Variants in FRMPD1 observed in about 807,000 individuals in gnomAD.
FRMPD1 encodes the protein FERM and PDZ domain-containing protein 1.
In FRMPD1, 76 loss-of-function variants were observed where a neutral mutation model predicts 117.8. The ratio of observed to expected loss-of-function variants is 0.65; its 90% confidence interval spans 0.54 to 0.78. FRMPD1 has a LOEUF of 0.78. Ranked by LOEUF, FRMPD1 falls within the 30% of genes least tolerant of loss-of-function variation. The pLI is 0.00. For synonymous variants in FRMPD1, 783 were observed against 770.4 expected, an observed-to-expected ratio of 1.02 and a Z score of -0.27; for missense variants, 1,786 against 1,964.5, an observed-to-expected ratio of 0.91 and a Z score of 1.72.
At position 37,746,377 on chromosome 9, in the gene FRMPD1, G is replaced by A; in HGVS notation, c.4345G>A (p.Glu1449Lys). The A allele has an allele frequency of 6.2e-7, 1 of 1,612,844 alleles. No homozygotes were observed. The highest frequency in any genetic ancestry group is 8.5e-7 in the Non-Finnish European group (1 of 1,179,812). ...GGGGGTTGGAAACAAACATCCCCCA[G>A]AGAAGTGCACCTGGCACTTTACCGA... ...SWGVGNKHPP[E>K]KCTWHFTESR... The change falls in exon 16 of 16, where the codon GAG becomes AAG. Residue 1449 changes from glutamate (E) to lysine (K), a missense_variant. Coordinates refer to ENST00000377765, the MANE Select transcript of FRMPD1 (RefSeq NM_014907.3).
chr9:37,608,913 T>C, the FRMPD1 span, among the ~76,000 whole-genome samples: 19 of 152,202 alleles, frequency 1.2e-4, 1 homozygote, highest in Non-Finnish European at 2.9e-5. Context: ...GTTTTACAGA[T>C]GAATATTATT....
At chr9:37,640,789 A>C in the FRMPD1 span, among the ~76,000 whole-genome samples, 1 of 152,240 alleles carries the variant, frequency 6.6e-6, no homozygotes, top group Non-Finnish European at 1.5e-5. Flanking sequence ...CAGCATGTGT[A>C]CTGGTCATTA....
intron 1 of FRMPD1, among the ~76,000 whole-genome samples, chr9:37,686,308 G>A (rs1355746133): frequency 6.6e-6 from 1 of 152,204 alleles, no homozygotes; most frequent in Non-Finnish European, 1.5e-5. Context: ...GAGGACTCAA[G>A]CTGCAGACGA....
chr9:37,706,198 T>C (rs1040841233), intron 2 of FRMPD1, among the ~76,000 whole-genome samples: 4 of 152,146 alleles, frequency 2.6e-5, no homozygotes, highest in African/African-American at 9.7e-5. Flanking sequence ...AAATTTGCTC[T>C]AAGTCAGGGC....
chr9:37,611,848 C>G, the FRMPD1 span, among the ~76,000 whole-genome samples: 1 of 151,872 alleles, frequency 6.6e-6, no homozygotes, highest in Non-Finnish European at 1.5e-5. Context: ...TTCTTTTTTT[C>G]CCTTTACTCC....
chr9:37,624,032 G>A, the FRMPD1 span, among the ~76,000 whole-genome samples: 1 of 152,172 alleles, frequency 6.6e-6, no homozygotes, highest in Non-Finnish European at 1.5e-5. Flanking sequence ...TGGTTCAAGA[G>A]ACAGTAATGA....
At chr9:37,612,435 G>A in the FRMPD1 span, among the ~76,000 whole-genome samples, 24 of 151,922 alleles carry the variant, frequency 1.6e-4, no homozygotes, top group Non-Finnish European at 2.5e-4. Flanking sequence ...TGCAACCTCC[G>A]CTTCTCGGGT....
chr9:37,719,035 C>T (rs749556531), intron 5 of FRMPD1, 34 bp from the exon 6 acceptor site: 1 of 1,281,176 alleles, frequency 7.8e-7, no homozygotes, highest in South Asian at 1.2e-5. Flanking sequence ...TATGAAAGCA[C>T]TGTTCCAAAA....
chr9:37,684,533 T>C (rs1162465312), intron 1 of FRMPD1, among the ~76,000 whole-genome samples: 1 of 152,172 alleles, frequency 6.6e-6, no homozygotes, highest in Non-Finnish European at 1.5e-5. Flanking sequence ...TTACGTTTTA[T>C]ATCACTCTGG....
At chr9:37,666,590 C>A (rs1348212954) in intron 1 of FRMPD1, among the ~76,000 whole-genome samples, 3 of 152,116 alleles carry the variant, frequency 2.0e-5, no homozygotes, top group Non-Finnish European at 4.4e-5. Flanking sequence ...CTCTGCTCAC[C>A]TCCTGCACAA....
At position 37,745,654 on chromosome 9, in the gene FRMPD1, C is replaced by T. The variant is rs1325561298; in HGVS notation, c.3622C>T (p.Pro1208Ser). 1.2e-6 allele frequency: 2 copies of T among 1,614,110 alleles called. No homozygotes were observed. Among genetic ancestry groups the T allele is most frequent in the South Asian group, 1.1e-5 (1 of 91,080 alleles). ...ACTATTCGTAGAGTTGGATTTAGAC[C>T]CTGATTTCTTTCTTGGGAAGCAGAC... is the stretch of plus-strand genomic sequence containing the variant. ...QKLFVELDLD[P>S]DFFLGKQTVS... is the part of the protein sequence containing the mutation. The change falls in exon 16 of 16, where the codon CCT becomes TCT. Residue 1208 changes from proline to serine, a missense_variant. Transcript: ENST00000377765.
At chr9:37,637,963 GC>G in the FRMPD1 span, among the ~76,000 whole-genome samples, 1 of 100,130 alleles carries the variant, frequency 1.0e-5, no homozygotes, top group Middle Eastern at 5.1e-3. Context: ...AATGGTGTAT[GC>G]TTTCTTTCTT....
intron 1 of FRMPD1, among the ~76,000 whole-genome samples, chr9:37,659,409 A>G (rs1588904933): frequency 6.6e-6 from 1 of 152,128 alleles, no homozygotes; most frequent in Non-Finnish European, 1.5e-5. Flanking sequence ...GCCCTCAGGG[A>G]TTAGGCTGCC....
intron 1 of FRMPD1, among the ~76,000 whole-genome samples, chr9:37,675,601 G>A (rs1821502134): frequency 6.6e-6 from 1 of 152,140 alleles, no homozygotes; most frequent in Admixed American, 6.6e-5. Context: ...GGCTTGGGAA[G>A]TGGGGAGAGT....
chr9:37,695,977 A>G (rs914783580), intron 2 of FRMPD1, among the ~76,000 whole-genome samples: 4 of 150,052 alleles, frequency 2.7e-5, no homozygotes, highest in Non-Finnish European at 4.4e-5. Flanking sequence ...TCTCTTCACA[A>G]TCTCTCACCA....
At chr9:37,743,834 G>A (rs1824543544) in intron 15 of FRMPD1, among the ~76,000 whole-genome samples, 1 of 151,296 alleles carries the variant, frequency 6.6e-6, no homozygotes, top group Admixed American at 6.6e-5. Flanking sequence ...GGAGTTCAAG[G>A]CTGCTGTGAG....
In FRMPD1 at chr9:37,737,205, G is replaced by T. The variant is rs940585528; in HGVS notation, c.1511G>T (p.Gly504Val). 6 of 1,614,112 alleles carry T rather than the reference G, an allele frequency of 3.7e-6. No individual in the cohort carries two copies. The highest frequency in any genetic ancestry group is 5.1e-6 in the Non-Finnish European group (6 of 1,180,016). Residue 504 changes from glycine to valine, a missense_variant, in exon 14 of 16, where the codon GGA (glycine) becomes GTA (valine). Gly to Val is a moderately radical substitution (Grantham distance 109). Transcript: ENST00000377765. ...GTTACCTCCATTTTCCTCTGGCCTG[G>T]AAACAAACAACAAGCGCACCGGGTA... Reference protein sequence around the residue: ...DPVTSIFLWPGNKQQAHRVSA... With the variant: ...DPVTSIFLWPVNKQQAHRVSA...
chr9:37,719,612 A>G (rs777000111), intron 6 of FRMPD1, among the ~76,000 whole-genome samples: 3 of 152,246 alleles, frequency 2.0e-5, no homozygotes, highest in Non-Finnish European at 2.9e-5. Flanking sequence ...CTTTGTGTGT[A>G]CAGTCCTTAG....
At chr9:37,708,822 T>G (rs1462362870) in intron 4 of FRMPD1, among the ~76,000 whole-genome samples, 2 of 152,198 alleles carry the variant, frequency 1.3e-5, no homozygotes, top group African/African-American at 4.8e-5. Context: ...GGCCCTACCC[T>G]CTAAGGATTT....
Sources: allele counts gnomAD v4.1 joint callset (sites outside exome capture counted in the v4.1 genomes callset), GRCh38; gene constraint gnomAD v4.1.1; transcripts MANE v1.5; gene names NCBI Gene and HGNC (gene_info 2026-07-23, HGNC 2026-07-21).